The following SMARCA2 variants were observed in gnomAD, a reference collection of about 807,000 sequenced individuals.
SMARCA2 encodes the protein SWI/SNF related BAF chromatin remodeling complex subunit ATPase 2.
In SMARCA2, 61 loss-of-function variants were observed where a neutral mutation model predicts 199.8. That is an observed-to-expected ratio of 0.31 (90% CI 0.25 to 0.38). The LOEUF (loss-of-function observed/expected upper bound fraction) is 0.38. Among genes scored for constraint, SMARCA2 ranks in the 10% least tolerant of loss-of-function variants. SMARCA2 has a pLI of 1.00. For synonymous variants in SMARCA2, 935 were observed against 732.0 expected (o/e 1.28, Z -4.48); for missense variants, 1,344 against 2,012.2 (o/e 0.67, Z 6.35).
At chr9:2,092,780 A>T (rs1287432986) in intron 19 of SMARCA2, among the ~76,000 whole-genome samples, 3 of 152,216 alleles carry the variant, frequency 2.0e-5, no homozygotes, top group African/African-American at 4.8e-5. Context: ...TGGCTCTCAC[A>T]AACCTAACTT....
chr9:2,094,019 G>A (rs1822169119), intron 19 of SMARCA2, among the ~76,000 whole-genome samples: 1 of 152,184 alleles, frequency 6.6e-6, no homozygotes, highest in Admixed American at 6.5e-5. Flanking sequence ...GAAATGAAAG[G>A]GAAATTGGCT....
chr9:2,034,962 A>G (rs1265064526), intron 3 of SMARCA2, among the ~76,000 whole-genome samples: 1 of 152,164 alleles, frequency 6.6e-6, no homozygotes, highest in Non-Finnish European at 1.5e-5. Context: ...CAGGCTTATC[A>G]TTTACATTTG....
chr9:2,178,280 C>G (rs929386354), intron 29 of SMARCA2, among the ~76,000 whole-genome samples: 7 of 152,162 alleles, frequency 4.6e-5, no homozygotes, highest in African/African-American at 9.7e-5. Context: ...TACCCCTCCC[C>G]CACTTACCCC....
intron 10 of SMARCA2, among the ~76,000 whole-genome samples, chr9:2,071,296 A>G (rs540465953): frequency 2.0e-5 from 3 of 152,366 alleles, no homozygotes; most frequent in African/African-American, 7.2e-5. Context: ...CTCTTGAACA[A>G]TAAATGTTAC....
chr9:2,021,037 G>A (rs1170529805), intron 1 of SMARCA2, among the ~76,000 whole-genome samples: 1 of 152,144 alleles, frequency 6.6e-6, no homozygotes, highest in African/African-American at 2.4e-5. Flanking sequence ...TAATCTGGCC[G>A]TATACCTGTA....
intron 27 of SMARCA2, among the ~76,000 whole-genome samples, chr9:2,140,940 T>C (rs1359705091): frequency 6.6e-6 from 1 of 152,070 alleles, no homozygotes; most frequent in Non-Finnish European, 1.5e-5. Context: ...AAGGGATACA[T>C]GGAGACCTGC....
chr9:2,175,329 A>T (rs1216649728), intron 29 of SMARCA2, among the ~76,000 whole-genome samples: 1 of 140,328 alleles, frequency 7.1e-6, no homozygotes, highest in East Asian at 2.2e-4. Context: ...CAATACACAC[A>T]CAAAAACACT....
rs140365580 is a variant in SMARCA2, at chr9:2,031,432, A to G, written c.226-1520A>G. ...TCTAAGTGGCTTACATAATTTCAGA[A>G]TAATTTGAAGGTGTCTCACCTTCAA... On this transcript the variant is annotated intron_variant, in intron 2 of 33. Coordinates refer to ENST00000349721, the MANE Select transcript of SMARCA2 (RefSeq NM_003070.5). Among the ~76,000 whole-genome samples the G allele has an allele frequency of 1.5e-3, 227 of 152,346 alleles. 1 individual carries two copies. Among genetic ancestry groups the G allele is most frequent in the Non-Finnish European group, 2.8e-3 (189 of 68,028 alleles).
At chr9:2,065,920 G>A (rs375471975) in intron 9 of SMARCA2, among the ~76,000 whole-genome samples, 1 of 152,200 alleles carries the variant, frequency 6.6e-6, no homozygotes, top group African/African-American at 2.4e-5. Flanking sequence ...GAAAAGTCCT[G>A]TTTAACTGGA....
At chr9:2,175,738 A>G (rs1563828533) in intron 29 of SMARCA2, among the ~76,000 whole-genome samples, 1 of 152,202 alleles carries the variant, frequency 6.6e-6, no homozygotes, top group African/African-American at 2.4e-5. Context: ...ATTTTGGTGA[A>G]TAAGAGTAAA....
At chr9:2,048,839 G>C (rs1484528388) in intron 5 of SMARCA2, among the ~76,000 whole-genome samples, 1 of 152,144 alleles carries the variant, frequency 6.6e-6, no homozygotes, top group African/African-American at 2.4e-5. Flanking sequence ...TAATTGCTGT[G>C]TGTTATAAAG....
At chr9:2,082,762 T>G (rs1288911299) in intron 15 of SMARCA2, among the ~76,000 whole-genome samples, 8 of 152,238 alleles carry the variant, frequency 5.3e-5, no homozygotes, top group South Asian at 4.1e-4. Flanking sequence ...TTATTGTGTT[T>G]TCTTTGAATT....
chr9:2,070,867 A>G (rs1320950057), intron 10 of SMARCA2, among the ~76,000 whole-genome samples: 3 of 152,268 alleles, frequency 2.0e-5, no homozygotes, highest in Non-Finnish European at 2.9e-5. Context: ...ATAAAAATAC[A>G]TAAACTAAAG....
Position 2,165,356 on chromosome 9 carries a change from C to T in SMARCA2, c.4199+3453C>T, listed in dbSNP as rs117735079. On this transcript the variant is annotated intron_variant, in intron 28 of 33. Transcript: ENST00000349721. ...TGATATTTTCATAAAGAACTAAGAT[C>T]ATTTATGTGTGTGTTCGTTGCTTTT... Among the ~76,000 whole-genome samples the T allele has an allele frequency of 1.1e-4, 16 of 152,240 alleles. No homozygotes were observed. The East Asian group carries it at 2.7e-3, about 26-fold the overall frequency.
At chr9:2,166,092 A>T (rs568933251) in intron 28 of SMARCA2, among the ~76,000 whole-genome samples, 1 of 152,176 alleles carries the variant, frequency 6.6e-6, no homozygotes, top group African/African-American at 2.4e-5. Context: ...ACCTCAGAGA[A>T]TAAATCTGCT....
At chr9:2,158,661 TG>T (rs762800345) in intron 27 of SMARCA2, 836 of 313,030 alleles carry the variant, frequency 2.7e-3, no homozygotes, top group Non-Finnish European at 3.7e-3. Context: ...GGGTTTTTTT[TG>T]TGTGTGACCC....
chr9:2,139,966 A>T (rs1824386522), intron 27 of SMARCA2, among the ~76,000 whole-genome samples: 9 of 152,240 alleles, frequency 5.9e-5, no homozygotes, highest in Admixed American at 5.9e-4. Context: ...TCCCAAAGTT[A>T]GCTTGACCTA....
chr9:2,123,165 G>C lies in SMARCA2; in HGVS notation c.3763-554G>C, dbSNP rs1270766198. On this transcript the variant is annotated intron_variant, in intron 26 of 33. Transcript: ENST00000349721. This position sits in a 1 kb window ranked among gnomAD's most constrained non-coding sequence, Gnocchi z 4.1. ...AAAGTTAGTATATTCATGGCCAATG[G>C]ACCAGTGAAACCATTTATGTCTCTT... is the stretch of plus-strand genomic sequence containing the variant. Among the ~76,000 whole-genome samples, 1 of 152,310 alleles carries C rather than the reference G, an allele frequency of 6.6e-6. No homozygotes were observed. Among genetic ancestry groups the C allele is most frequent in the African/African-American group, 2.4e-5 (1 of 41,580 alleles).
At chr9:2,083,260 G>C (rs17655758) in intron 15 of SMARCA2, 87 bp from the exon 16 acceptor site, 12,196 of 797,494 alleles carry the variant, frequency 0.015, 148 homozygotes, top group Non-Finnish European at 0.02. Context: ...TTCAAGGTGA[G>C]GCCTGAACAT....
Sources: allele counts gnomAD v4.1 joint callset (sites outside exome capture counted in the v4.1 genomes callset), GRCh38; gene constraint gnomAD v4.1.1; non-coding constraint Gnocchi (gnomAD v3.1); transcripts MANE v1.5; gene names NCBI Gene and HGNC (gene_info 2026-07-23, HGNC 2026-07-21).